PRDM2: variants seen among roughly 807,000 people sequenced by gnomAD.
The protein encoded by PRDM2 is PR/SET domain 2.
In PRDM2, 30 loss-of-function variants were observed where a neutral mutation model predicts 130.0. That is an observed-to-expected ratio of 0.23 (90% confidence interval 0.17 to 0.31). The LOEUF (loss-of-function observed/expected upper bound fraction) is 0.31, where lower values mean the gene tolerates loss of function less well. PRDM2 is among the 10% of genes least tolerant of loss of function. The pLI is 1.00. For missense variants in PRDM2, 2,011 were observed against 2,108.4 expected, an observed-to-expected ratio of 0.95 and a Z score of 0.90; for synonymous variants, 871 against 782.4, an observed-to-expected ratio of 1.11 and a Z score of -1.89.
intron 6 of PRDM2, among the ~76,000 whole-genome samples, chr1:13,750,362 A>G (rs1643785428): frequency 1.3e-5 from 2 of 151,998 alleles, no homozygotes; most frequent in African/African-American, 4.8e-5. Flanking sequence ...TATTGATACA[A>G]ATACAGGTTT....
intron 8 of PRDM2, among the ~76,000 whole-genome samples, chr1:13,785,767 G>A (rs959798205): frequency 1.3e-5 from 2 of 148,266 alleles, no homozygotes; most frequent in Non-Finnish European, 3.0e-5. Context: ...GGGAAGGAAA[G>A]AGGTGTATTC....
intron 8 of PRDM2, among the ~76,000 whole-genome samples, chr1:13,801,732 G>A (rs1408952322): frequency 6.6e-6 from 1 of 152,242 alleles, no homozygotes; most frequent in Admixed American, 6.5e-5. Flanking sequence ...ATGATTATGA[G>A]GACAAATACA....
intron 1 of PRDM2, among the ~76,000 whole-genome samples, chr1:13,700,846 A>G (rs891649520): frequency 6.6e-6 from 1 of 152,122 alleles, no homozygotes; most frequent in African/African-American, 2.4e-5. Flanking sequence ...CAATGTTCCC[A>G]TAGACCCACG....
chr1:13,798,639 T>A (rs888429047), intron 8 of PRDM2, among the ~76,000 whole-genome samples: 1 of 152,238 alleles, frequency 6.6e-6, no homozygotes, highest in African/African-American at 2.4e-5. Context: ...GGGGTAGAAC[T>A]ATTCAACTAT....
At chr1:13,823,129 T>G (rs901238709) in intron 9 of PRDM2, 30 bp from the exon 10 acceptor site, 4 of 1,595,678 alleles carry the variant, frequency 2.5e-6, no homozygotes, top group Non-Finnish European at 3.4e-6. Context: ...GTGCTTACTG[T>G]TATTATTTTT....
intron 8 of PRDM2, 97 bp downstream of exon 8, chr1:13,782,928 T>TC: frequency 1.9e-6 from 3 of 1,559,128 alleles, no homozygotes; most frequent in African/African-American, 1.4e-5. Flanking sequence ...TTTTTTTTTT[T>TC]TCCCCACTTA....
rs755924709 is a variant in PRDM2, at chr1:13,779,376, A to G, written c.1581A>G (p.Pro527=). The change falls in exon 8 of 10, where the codon CCA becomes CCG. Residue 527 remains proline, a synonymous_variant. Transcript: ENST00000311066. The surrounding 1 kb of genome is among the most constrained non-coding windows in gnomAD (Gnocchi z 4.9). ...RKGGLEEPQP[P]AEQAQATQNV... is the part of the protein sequence containing the mutation. ...GAGGCCTTGAAGAGCCCCAGCCTCC[A>G]GCAGAACAGGCCCAGGCCACCCAGA... The G allele has an allele frequency of 1.9e-6, 3 of 1,614,124 alleles. No individual in the cohort carries two copies. Among genetic ancestry groups the G allele is most frequent in the African/African-American group, 2.7e-5 (2 of 74,948 alleles).
At chr1:13,811,998 G>A (rs2744688) in intron 8 of PRDM2, among the ~76,000 whole-genome samples, 131,408 of 152,232 alleles carry the variant, frequency 0.86, 57,026 homozygotes, top group African/African-American at 0.95. Context: ...GAGTGCGTGA[G>A]GGGACTGGGA....
At chr1:13,791,144 C>T (rs1392327063) in intron 8 of PRDM2, among the ~76,000 whole-genome samples, 1 of 151,116 alleles carries the variant, frequency 6.6e-6, no homozygotes, top group African/African-American at 2.4e-5. Flanking sequence ...TTTATTTCTT[C>T]TAAATATAGA....
At chr1:13,773,348 C>T (rs1644398977) in intron 7 of PRDM2, 160 bp downstream of exon 7, 1 of 422,154 alleles carries the variant, frequency 2.4e-6, no homozygotes. Flanking sequence ...GCTGAGCCTT[C>T]TATATGCTAC....
chr1:13,759,855 CAAT>C (rs1264679056), intron 6 of PRDM2, among the ~76,000 whole-genome samples: 2 of 151,994 alleles, frequency 1.3e-5, no homozygotes, highest in East Asian at 1.9e-4. Context: ...GAAAAAGTAT[CAAT>C]AATAATAATA....
Position 13,824,823 on chromosome 1 carries a change from A to G in PRDM2, c.*1688A>G, listed in dbSNP as rs560115647. 7.2e-5 allele frequency: 11 copies of G among 152,704 alleles called. No individual in the cohort carries two copies. In the East Asian group the frequency reaches 1.9e-3, roughly 27 times the overall value. The allele number at this position is 152,704 out of a possible 1,614,324, so 9.5% of individuals were successfully genotyped here. ...AAGCTCACGAACCCCAAACCTGGCAAGTCACCTGCAGCCCATGGTGAGCTC... is the reference window on the plus strand; with the variant it reads ...AAGCTCACGAACCCCAAACCTGGCAGGTCACCTGCAGCCCATGGTGAGCTC... On this transcript the variant is annotated 3_prime_UTR_variant, in exon 10 of 10. Transcript: ENST00000311066.
chr1:13,756,415 A>G (rs905514359), intron 6 of PRDM2, among the ~76,000 whole-genome samples: 2 of 152,246 alleles, frequency 1.3e-5, no homozygotes, highest in Non-Finnish European at 2.9e-5. Context: ...GTTGGCATTC[A>G]GATGGCTTGT....
At chr1:13,744,868 T>G (rs1643556781) in intron 5 of PRDM2, among the ~76,000 whole-genome samples, 1 of 152,230 alleles carries the variant, frequency 6.6e-6, no homozygotes, top group Admixed American at 6.5e-5. Context: ...AGATTAAGTG[T>G]CCCGTGGGTT....
At chr1:13,756,914 AT>A (rs1295708293) in intron 6 of PRDM2, among the ~76,000 whole-genome samples, 1 of 152,196 alleles carries the variant, frequency 6.6e-6, no homozygotes, top group African/African-American at 2.4e-5. Context: ...CCGAGGGGTT[AT>A]GTGCTTTGGC....
At chr1:13,753,747 AAG>A (rs1180540166) in intron 6 of PRDM2, among the ~76,000 whole-genome samples, 1 of 152,172 alleles carries the variant, frequency 6.6e-6, no homozygotes, top group Non-Finnish European at 1.5e-5. Flanking sequence ...TTTATGTAGA[AAG>A]AGTGGCAGGA....
chr1:13,778,793 A>G lies in PRDM2; in HGVS notation c.998A>G (p.Asp333Gly). ...PKTTSEETLE[D>G]CSEVTPAMQI... ...ACAACTTCAGAAGAAACTCTTGAAG[A>G]CTGCTCAGAGGTAACACCTGCCATG... is the stretch of plus-strand genomic sequence containing the variant. The change falls in exon 8 of 10, where the codon GAC (aspartate) becomes GGC (glycine). Residue 333 changes from aspartate to glycine, a missense_variant. This residue lies in a region of PRDM2 where 1,288 missense variants were observed against 1,237.7 expected (regional missense o/e 1.04). Coordinates refer to ENST00000311066, the MANE Select transcript of PRDM2 (RefSeq NM_001393986.1). The G allele has an allele frequency of 6.2e-7, 1 of 1,614,092 alleles. No homozygotes were observed. The highest frequency in any genetic ancestry group is 8.5e-7 in the Non-Finnish European group (1 of 1,180,024).
chr1:13,753,267 A>T (rs899766419), intron 6 of PRDM2, among the ~76,000 whole-genome samples: 3 of 152,248 alleles, frequency 2.0e-5, no homozygotes, highest in Non-Finnish European at 4.4e-5. Flanking sequence ...AAAGTTTATT[A>T]CAAAATCGGT....
intron 6 of PRDM2, chr1:13,768,927 A>C (rs1337419619): frequency 6.4e-6 from 1 of 157,028 alleles, no homozygotes; most frequent in Non-Finnish European, 1.4e-5. Flanking sequence ...TACACAGTTA[A>C]ACATTATTTT....
Sources: allele counts gnomAD v4.1 joint callset (sites outside exome capture counted in the v4.1 genomes callset), GRCh38; gene constraint gnomAD v4.1.1; regional missense constraint gnomAD v4.1.1; non-coding constraint Gnocchi (gnomAD v3.1); transcripts MANE v1.5; gene names NCBI Gene and HGNC (gene_info 2026-07-23, HGNC 2026-07-21).